Variants in BRWD1 observed in about 807,000 individuals in gnomAD.
BRWD1 encodes bromodomain and WD repeat-containing protein 1.
BRWD1 carries 82 observed loss-of-function variants against 251.2 expected under a neutral mutation model. The observed-to-expected ratio is 0.33, with a 90% CI of 0.27 to 0.39. The LOEUF (loss-of-function observed/expected upper bound fraction) is 0.39. BRWD1 is among the 10% of genes least tolerant of loss of function. BRWD1 has a pLI of 1.00. For missense variants in BRWD1, 2,233 were observed against 2,711.6 expected, an observed-to-expected ratio of 0.82 and a Z score of 3.92; for synonymous variants, 918 against 902.8, an observed-to-expected ratio of 1.02 and a Z score of -0.30.
intron 21 of BRWD1, among the ~76,000 whole-genome samples, chr21:39,246,031 G>A (rs556457925): frequency 6.6e-6 from 1 of 152,102 alleles, no homozygotes; most frequent in African/African-American, 2.4e-5. Flanking sequence ...AACAGTAAAA[G>A]AAGCTACTAA....
In BRWD1 at chr21:39,298,477, A is replaced by T; in HGVS notation, c.304T>A (p.Ser102Thr). Residue 102 changes from serine (S) to threonine (T), a missense_variant, in exon 5 of 41, where the codon TCT becomes ACT. Ser to Thr is a moderately conservative substitution (Grantham distance 58). Transcript: ENST00000342449. ...GACTGCCTTCCTGCACCAAGTAAAG[A>T]AGTGACTCTTGAAATACTGGGTGGA... Reference protein sequence around the residue: ...EIPPSISRVTSLLGAGRQSLL... With the variant: ...EIPPSISRVTTLLGAGRQSLL... 1 of 1,609,750 alleles carries T rather than the reference A, an allele frequency of 6.2e-7. No homozygotes were observed. The highest frequency in any genetic ancestry group is 1.1e-5 in the South Asian group (1 of 90,244).
intron 8 of BRWD1, among the ~76,000 whole-genome samples, chr21:39,288,454 T>C (rs948788930): frequency 2.6e-5 from 4 of 152,238 alleles, no homozygotes; most frequent in African/African-American, 9.6e-5. Context: ...AATGTTTTCA[T>C]TATTAATCAG....
intron 15 of BRWD1, among the ~76,000 whole-genome samples, chr21:39,267,267 C>G (rs1439787854): frequency 6.6e-6 from 1 of 151,676 alleles, no homozygotes; most frequent in Non-Finnish European, 1.5e-5. Context: ...AAGAATGCAT[C>G]AGCATCAATA....
chr21:39,278,692 A>T, intron 10 of BRWD1, 51 bp downstream of exon 10: 1 of 1,396,658 alleles, frequency 7.2e-7, no homozygotes, highest in Non-Finnish European at 9.7e-7. Flanking sequence ...TGGTCATTTA[A>T]TAGATGTTTA....
intron 29 of BRWD1, among the ~76,000 whole-genome samples, chr21:39,220,662 T>C (rs1169294930): frequency 6.6e-6 from 1 of 152,150 alleles, no homozygotes; most frequent in African/African-American, 2.4e-5. Context: ...GCACATATGT[T>C]AGAATTAGCA....
chr21:39,209,958 C>A (rs753504655), intron 36 of BRWD1, 37 bp downstream of exon 36: 6 of 1,594,858 alleles, frequency 3.8e-6, no homozygotes, highest in Non-Finnish European at 5.1e-6. Context: ...CTACACAGAT[C>A]AGGCAGTTTT....
At chr21:39,307,654 G>T (rs1298747554) in intron 4 of BRWD1, among the ~76,000 whole-genome samples, 1 of 152,110 alleles carries the variant, frequency 6.6e-6, no homozygotes, top group African/African-American at 2.4e-5. Flanking sequence ...AAGATTATAG[G>T]CTATGACTTG....
chr21:39,258,848 C>T (rs1314969598), intron 17 of BRWD1, among the ~76,000 whole-genome samples, 176 bp from the exon 18 acceptor site: 1 of 152,044 alleles, frequency 6.6e-6, no homozygotes, highest in East Asian at 1.9e-4. Context: ...AGATTCAAAG[C>T]CAACAAAAGT....
In BRWD1 at chr21:39,196,609, T is replaced by C. The variant is rs1354013385; in HGVS notation, c.6460A>G (p.Ser2154Gly). The C allele has an allele frequency of 1.9e-6, 3 of 1,613,482 alleles. No homozygotes were observed. The highest frequency in any genetic ancestry group is 1.1e-5 in the South Asian group (1 of 90,982). The change falls in exon 41 of 41, where the codon AGT (serine) becomes GGT (glycine). Residue 2154 changes from serine (S) to glycine (G), a missense_variant. Around this residue, in one of 12 missense-constraint regions of BRWD1, gnomAD observed 928 missense variants for 970.0 expected, o/e 0.96. Transcript: ENST00000342449. ...TGNSKFRPDT[S>G]SKSSDLGSVT... is the part of the protein sequence containing the mutation. ...GATCCCAAATCTGATGATTTGGAAC[T>C]AGTATCAGGTCTAAACTTTGAATTC...
intron 7 of BRWD1, 100 bp from the exon 8 acceptor site, chr21:39,294,132 T>C: frequency 1.1e-6 from 1 of 891,074 alleles, no homozygotes; most frequent in Non-Finnish European, 1.7e-6. Flanking sequence ...TTTAACTCTT[T>C]CCAACTATAG....
intron 31 of BRWD1, chr21:39,216,811 G>C (rs982640395): frequency 3.7e-6 from 1 of 270,842 alleles, no homozygotes; most frequent in Non-Finnish European, 7.1e-6. Flanking sequence ...TAAGTTCAAG[G>C]GTACAAGTAC....
chr21:39,243,450 T>C (rs533051695), intron 21 of BRWD1, among the ~76,000 whole-genome samples: 1 of 152,222 alleles, frequency 6.6e-6, no homozygotes, highest in East Asian at 1.9e-4. Flanking sequence ...ATTGCCTCAT[T>C]TTTTGTTTTT....
At chr21:39,282,817 T>C (rs2035512574) in intron 8 of BRWD1, among the ~76,000 whole-genome samples, 1 of 151,682 alleles carries the variant, frequency 6.6e-6, no homozygotes, top group Non-Finnish European at 1.5e-5. Flanking sequence ...AAATTAGCCA[T>C]GCATGGTGGT....
chr21:39,196,339 T>A lies in BRWD1; in HGVS notation c.6730A>T (p.Arg2244Ter). 1 of 1,613,566 alleles carries A rather than the reference T, an allele frequency of 6.2e-7. No homozygotes were observed. The highest frequency in any genetic ancestry group is 8.5e-7 in the Non-Finnish European group (1 of 1,179,642). ...CCATCATGGTATCTCACAGTCCTTC[T>A]ACCCTGATTTCTCGTTTTTATTTTT... ...RSKIKTRNQG[R>*]RTVRYHDGDD... is the part of the protein sequence containing the mutation. Residue 2244 changes from arginine (R) to a stop codon, truncating the protein, a stop_gained, in exon 41 of 41, where the codon AGA (arginine) becomes TGA (stop). Coordinates refer to ENST00000342449, the MANE Select transcript of BRWD1 (RefSeq NM_033656.4). LOFTEE classifies it high-confidence loss of function.
chr21:39,243,817 A>AT (rs2034085745), intron 21 of BRWD1, among the ~76,000 whole-genome samples: 1 of 152,192 alleles, frequency 6.6e-6, no homozygotes, highest in Non-Finnish European at 1.5e-5. Context: ...ATCAAGAGGC[A>AT]TATGTACAAC....
chr21:39,213,903 A>C (rs1468028296), intron 32 of BRWD1, among the ~76,000 whole-genome samples: 1 of 150,758 alleles, frequency 6.6e-6, no homozygotes, highest in Admixed American at 6.6e-5. Flanking sequence ...AGTTGATTTA[A>C]GGTAAAAAAA....
chr21:39,196,454 T>C lies in BRWD1; in HGVS notation c.6615A>G (p.Gln2205=). The stretch of plus-strand genomic sequence containing the variant: ...TTAACCTAGGGCGTTTGCTTTGTCT[T>C]TGACGTCTCACAGTTTTAGATATGT... ...TANISKTVRR[Q]RQSKRPRLSV... The change falls in exon 41 of 41, where the codon CAA becomes CAG. Residue 2205 remains glutamine, a synonymous_variant. Coordinates refer to ENST00000342449, the MANE Select transcript of BRWD1 (RefSeq NM_033656.4). The C allele has an allele frequency of 6.2e-7, 1 of 1,613,484 alleles. No homozygotes were observed.
chr21:39,202,177 T>C, intron 38 of BRWD1, 148 bp downstream of exon 38: 1 of 552,754 alleles, frequency 1.8e-6, no homozygotes, highest in Admixed American at 3.4e-5. Context: ...AATTGTTCCA[T>C]GTTTATTATG....
chr21:39,241,324 C>T (rs999678119), intron 21 of BRWD1, among the ~76,000 whole-genome samples: 4 of 149,838 alleles, frequency 2.7e-5, no homozygotes, highest in South Asian at 4.2e-4. Flanking sequence ...AAAAATTAGC[C>T]GGGTGTGGTG....
Sources: gnomAD v4.1 joint callset for allele counts (sites outside exome capture counted in the v4.1 genomes callset) on GRCh38, gnomAD v4.1.1 for gene constraint, gnomAD v4.1.1 regional missense constraint, MANE v1.5 for transcripts, NCBI Gene and HGNC (gene_info 2026-07-23, HGNC 2026-07-21) for gene names.